RBFOX1: variants seen among roughly 807,000 people sequenced by gnomAD.
RBFOX1 encodes RNA binding fox-1 homolog 1, also known as RNA binding protein fox-1 homolog 1.
In RBFOX1, 8 loss-of-function variants were observed where a neutral mutation model predicts 57.7. The observed-to-expected ratio is 0.14, with a 90% CI of 0.08 to 0.25. The LOEUF is 0.25. Among genes scored for constraint, RBFOX1 ranks in the 10% least tolerant of loss-of-function variants. RBFOX1 has a pLI of 1.00. For synonymous variants in RBFOX1, 326 were observed against 222.4 expected (o/e 1.47, Z -4.15); for missense variants, 611 against 548.5 (o/e 1.11, Z -1.14).
intron 3 of RBFOX1, among the ~76,000 whole-genome samples, chr16:6,811,820 C>T (rs1032921229): frequency 2.6e-4 from 39 of 152,134 alleles, no homozygotes; most frequent in Admixed American, 2.5e-3. Context: ...ACCTGGGAGG[C>T]AGAGGTTACA....
At chr16:7,093,827 A>C (rs1190556106) in intron 4 of RBFOX1, among the ~76,000 whole-genome samples, 1 of 151,988 alleles carries the variant, frequency 6.6e-6, no homozygotes, top group African/African-American at 2.4e-5. Flanking sequence ...TTTGTCTGTA[A>C]AGTGATTTGT....
intron 4 of RBFOX1, among the ~76,000 whole-genome samples, chr16:7,305,649 A>G (rs1019502817): frequency 6.6e-6 from 1 of 152,190 alleles, no homozygotes; most frequent in Non-Finnish European, 1.5e-5. Flanking sequence ...AAAGGAATGT[A>G]TATTTTTATA....
chr16:7,511,023 A>G (rs1307342304), intron 4 of RBFOX1, among the ~76,000 whole-genome samples: 2 of 152,208 alleles, frequency 1.3e-5, no homozygotes, highest in African/African-American at 4.8e-5. Flanking sequence ...AAGTTTGACT[A>G]TAAAGGTGGG....
intron 2 of RBFOX1, among the ~76,000 whole-genome samples, chr16:6,534,404 A>G (rs886248504): frequency 2.6e-5 from 4 of 152,108 alleles, no homozygotes; most frequent in Non-Finnish European, 4.4e-5. Flanking sequence ...GGAATTCAGG[A>G]TAGTGATTGT....
chr16:7,273,304 TAA>T (rs1479078987), intron 4 of RBFOX1, among the ~76,000 whole-genome samples: 3 of 149,140 alleles, frequency 2.0e-5, no homozygotes, highest in African/African-American at 7.4e-5. Context: ...AATGTTACGC[TAA>T]GTTTTGGAAA....
intron 4 of RBFOX1, among the ~76,000 whole-genome samples, chr16:7,229,219 A>C (rs1286464334): frequency 6.6e-6 from 1 of 152,234 alleles, no homozygotes. Context: ...GCAGTGTCCC[A>C]GTGATGCATT....
intron 2 of RBFOX1, among the ~76,000 whole-genome samples, chr16:5,568,194 C>A (rs1454463823): frequency 1.3e-5 from 2 of 152,190 alleles, no homozygotes; most frequent in East Asian, 3.9e-4. Flanking sequence ...TTCCTCGAAT[C>A]CCCACCACAC....
chr16:7,387,111 A>G (rs961955239), intron 4 of RBFOX1, among the ~76,000 whole-genome samples: 1 of 152,092 alleles, frequency 6.6e-6, no homozygotes, highest in East Asian at 1.9e-4. Flanking sequence ...GTATTTGTAG[A>G]TTCTGGATAT....
intron 1 of RBFOX1, among the ~76,000 whole-genome samples, chr16:6,106,761 G>A (rs542650138): frequency 6.6e-5 from 10 of 152,146 alleles, no homozygotes; most frequent in East Asian, 5.8e-4. Flanking sequence ...TCTGCCTCCC[G>A]GGTTCATGCC....
At chr16:7,070,047 T>C (rs532378542) in intron 4 of RBFOX1, among the ~76,000 whole-genome samples, 1 of 152,328 alleles carries the variant, frequency 6.6e-6, no homozygotes, top group African/African-American at 2.4e-5. Flanking sequence ...CCTCCTCCTC[T>C]TTTTCCTCTC....
intron 4 of RBFOX1, among the ~76,000 whole-genome samples, chr16:7,493,404 T>C (rs1183782650): frequency 2.6e-5 from 4 of 152,178 alleles, no homozygotes; most frequent in Admixed American, 1.3e-4. Flanking sequence ...CACAAATCTG[T>C]CCACATCATA....
chr16:5,972,772 G>T (rs2059988390), intron 4 of RBFOX1, among the ~76,000 whole-genome samples: 1 of 152,200 alleles, frequency 6.6e-6, no homozygotes, highest in Non-Finnish European at 1.5e-5. Flanking sequence ...CCACTCCAGA[G>T]AATCTCCTAT....
intron 2 of RBFOX1, among the ~76,000 whole-genome samples, chr16:6,550,796 T>A (rs2096976131): frequency 6.6e-6 from 1 of 152,272 alleles, no homozygotes; most frequent in African/African-American, 2.4e-5. Context: ...AACAGAGTAC[T>A]GTTTTGTGAT....
At chr16:7,119,603 G>T (rs539920152) in intron 4 of RBFOX1, among the ~76,000 whole-genome samples, 4 of 151,796 alleles carry the variant, frequency 2.6e-5, no homozygotes, top group Non-Finnish European at 1.5e-5. Flanking sequence ...AAACCACCCA[G>T]ACATACAGGA....
chr16:7,452,040 A>G (rs2098868685), intron 4 of RBFOX1, among the ~76,000 whole-genome samples: 1 of 152,370 alleles, frequency 6.6e-6, no homozygotes, highest in African/African-American at 2.4e-5. Context: ...CCAAAGCAAT[A>G]TCATTCAAAA....
At chr16:6,786,030 C>A (rs747513540) in intron 3 of RBFOX1, among the ~76,000 whole-genome samples, 1 of 152,326 alleles carries the variant, frequency 6.6e-6, no homozygotes, top group South Asian at 2.1e-4. Flanking sequence ...GAGACACACA[C>A]AAATGGTAGT....
chr16:6,905,876 C>T (rs1243861068), intron 3 of RBFOX1, among the ~76,000 whole-genome samples: 1 of 152,178 alleles, frequency 6.6e-6, no homozygotes, highest in African/African-American at 2.4e-5. Flanking sequence ...CTGCTGATCC[C>T]TGGAAGCAAA....
intron 2 of RBFOX1, among the ~76,000 whole-genome samples, chr16:5,481,248 C>A (rs1481280366): frequency 6.6e-6 from 1 of 152,284 alleles, no homozygotes; most frequent in South Asian, 2.1e-4. Context: ...GGACTGGGGT[C>A]TTCTCTTGAG....
chr16:6,531,934 A>T (rs955688139), intron 2 of RBFOX1, among the ~76,000 whole-genome samples: 2 of 152,330 alleles, frequency 1.3e-5, no homozygotes, highest in South Asian at 4.1e-4. Flanking sequence ...ACTTATTAGC[A>T]GTAGTCAGTG....
Sources: gnomAD v4.1 joint callset for allele counts (sites outside exome capture counted in the v4.1 genomes callset) on GRCh38, gnomAD v4.1.1 for gene constraint, MANE v1.5 for transcripts, NCBI Gene and HGNC (gene_info 2026-07-23, HGNC 2026-07-21) for gene names.